CPQ: variants seen among roughly 807,000 people sequenced by gnomAD.
CPQ encodes carboxypeptidase Q.
CPQ carries 37 observed loss-of-function variants against 45.7 expected under a neutral mutation model. The ratio of observed to expected loss-of-function variants is 0.81; its 90% confidence interval spans 0.62 to 1.07. CPQ has a LOEUF of 1.07. Among genes scored for constraint, CPQ ranks in the 50% least tolerant of loss-of-function variants. The pLI, the probability that CPQ is intolerant of heterozygous loss-of-function variation, is 0.00. For synonymous variants in CPQ, 186 were observed against 205.8 expected (o/e 0.90, Z 0.82); for missense variants, 537 against 572.9 (o/e 0.94, Z 0.64).
At chr8:96,785,778 C>A (rs1015152463) in intron 2 of CPQ, among the ~76,000 whole-genome samples, 3 of 152,134 alleles carry the variant, frequency 2.0e-5, no homozygotes, top group African/African-American at 7.2e-5. Context: ...GCTTCTCCTG[C>A]AAGGAATTAT....
intron 5 of CPQ, among the ~76,000 whole-genome samples, chr8:97,006,245 A>G (rs1396698814): frequency 2.0e-5 from 3 of 152,180 alleles, no homozygotes; most frequent in Non-Finnish European, 4.4e-5. Flanking sequence ...CCTAAGAGGA[A>G]TAGAGGTGTG....
chr8:96,981,322 T>C (rs543074712), intron 5 of CPQ, among the ~76,000 whole-genome samples: 2 of 152,348 alleles, frequency 1.3e-5, no homozygotes, highest in Non-Finnish European at 2.9e-5. Context: ...AAAATGTAAT[T>C]GAAATTATTG....
intron 6 of CPQ, among the ~76,000 whole-genome samples, chr8:97,045,581 G>A (rs538395430): frequency 6.8e-4 from 104 of 152,310 alleles, no homozygotes; most frequent in African/African-American, 2.5e-3. Context: ...CTTCTGCGTC[G>A]CTCATGCTGG....
chr8:96,659,481 TC>T (rs1815674353), intron 1 of CPQ, among the ~76,000 whole-genome samples: 1 of 152,208 alleles, frequency 6.6e-6, no homozygotes, highest in Non-Finnish European at 1.5e-5. Context: ...AGTGCTGACT[TC>T]CGAGTTCTTT....
At chr8:96,719,913 A>T (rs1195044654) in intron 1 of CPQ, among the ~76,000 whole-genome samples, 1 of 152,166 alleles carries the variant, frequency 6.6e-6, no homozygotes, top group Non-Finnish European at 1.5e-5. Flanking sequence ...CCTCTCTCAC[A>T]TTCAGGGGAC....
At position 96,738,262 on chromosome 8, in the gene CPQ, T is replaced by C. The variant is rs558057763; in HGVS notation, c.-34-46602T>C. Among the ~76,000 whole-genome samples, 15 of 152,268 alleles carry C rather than the reference T, an allele frequency of 9.9e-5. No homozygotes were observed. In the South Asian group the frequency reaches 3.1e-3, roughly 32 times the overall value. On this transcript the variant is annotated intron_variant, in intron 1 of 7. Coordinates refer to ENST00000220763, the MANE Select transcript of CPQ (RefSeq NM_016134.4). Reference sequence around the variant, plus strand: ...TGCTGTTCAAATTTTTATATCATTATTGATTTGTTGCTGTTTGACATATCA... The same window carrying C: ...TGCTGTTCAAATTTTTATATCATTACTGATTTGTTGCTGTTTGACATATCA...
intron 1 of CPQ, among the ~76,000 whole-genome samples, chr8:96,684,226 T>C (rs112415214): frequency 0.024 from 3,688 of 152,254 alleles, 163 homozygotes; most frequent in African/African-American, 0.084. Flanking sequence ...ATCTATAGTG[T>C]TGGTTGGGTA....
intron 4 of CPQ, among the ~76,000 whole-genome samples, chr8:96,957,638 A>G (rs762115960): frequency 6.6e-6 from 1 of 152,114 alleles, no homozygotes; most frequent in East Asian, 1.9e-4. Context: ...GTATCTACTG[A>G]GAGTACAAAA....
intron 1 of CPQ, among the ~76,000 whole-genome samples, chr8:96,654,201 GTC>G (rs1815611846): frequency 6.6e-6 from 1 of 152,180 alleles, no homozygotes; most frequent in Non-Finnish European, 1.5e-5. Flanking sequence ...GGTGTGTAGT[GTC>G]TATTAGCTCT....
At chr8:97,124,170 G>A (rs1191117443) in intron 7 of CPQ, among the ~76,000 whole-genome samples, 2 of 132,842 alleles carry the variant, frequency 1.5e-5, no homozygotes, top group East Asian at 4.9e-4. Flanking sequence ...AGGTTGCAGT[G>A]AGCCGAGATT....
intron 6 of CPQ, among the ~76,000 whole-genome samples, chr8:97,036,898 G>C (rs756315023): frequency 1.3e-5 from 2 of 152,048 alleles, no homozygotes; most frequent in Non-Finnish European, 2.9e-5. Flanking sequence ...TGAATTACAG[G>C]GATAATGAAC....
chr8:96,676,740 T>C (rs1444473224), intron 1 of CPQ, among the ~76,000 whole-genome samples: 2 of 152,064 alleles, frequency 1.3e-5, no homozygotes, highest in African/African-American at 4.8e-5. Context: ...ATAGGCTGTT[T>C]AGTGGTGATT....
At chr8:97,016,688 C>T (rs1294525783) in intron 5 of CPQ, among the ~76,000 whole-genome samples, 1 of 152,068 alleles carries the variant, frequency 6.6e-6, no homozygotes, top group East Asian at 1.9e-4. Flanking sequence ...GGGAGCCTTC[C>T]CAGAGAAAGT....
intron 4 of CPQ, among the ~76,000 whole-genome samples, chr8:96,917,201 T>C (rs1812745065): frequency 6.6e-6 from 1 of 152,096 alleles, no homozygotes; most frequent in South Asian, 2.1e-4. Flanking sequence ...TTTAAGGGTG[T>C]AGTTTGTATA....
chr8:97,077,372 G>T (rs1380714920), intron 7 of CPQ, among the ~76,000 whole-genome samples: 1 of 152,188 alleles, frequency 6.6e-6, no homozygotes, highest in Admixed American at 6.5e-5. Context: ...AGCATCCGCA[G>T]CATTTTACCA....
chr8:96,697,198 G>A (rs905168144), intron 1 of CPQ, among the ~76,000 whole-genome samples: 3 of 152,058 alleles, frequency 2.0e-5, no homozygotes, highest in African/African-American at 7.2e-5. Context: ...TTTATCCCAG[G>A]GATGCAAGTA....
At chr8:96,997,613 G>A (rs564573550) in intron 5 of CPQ, among the ~76,000 whole-genome samples, 20 of 151,972 alleles carry the variant, frequency 1.3e-4, no homozygotes, top group African/African-American at 3.9e-4. Flanking sequence ...TCTTGTAAAA[G>A]CTTCTCAATG....
rs545693456 is a variant in CPQ, at chr8:96,696,133, C to A, written c.-35+50731C>A. On this transcript the variant is annotated intron_variant, in intron 1 of 7. Transcript: ENST00000220763. ...GCCATAAAAAATGATGAGTTTATGT[C>A]CTTTGTAGGGACATGGATGAAATTG... Among the ~76,000 whole-genome samples the A allele has an allele frequency of 2.5e-3, 375 of 152,052 alleles. 4 individuals are homozygous for A. The highest frequency in any genetic ancestry group is 8.5e-3 in the African/African-American group (353 of 41,388).
chr8:96,670,032 A>C (rs541048310), intron 1 of CPQ, among the ~76,000 whole-genome samples: 1 of 152,338 alleles, frequency 6.6e-6, no homozygotes, highest in African/African-American at 2.4e-5. Flanking sequence ...CTCATTGCCA[A>C]GAGCTCTAGA....
Sources: gnomAD v4.1 joint callset for allele counts (sites outside exome capture counted in the v4.1 genomes callset) on GRCh38, gnomAD v4.1.1 for gene constraint, MANE v1.5 for transcripts, NCBI Gene and HGNC (gene_info 2026-07-23, HGNC 2026-07-21) for gene names.